AR: variants seen among roughly 807,000 people sequenced by gnomAD.
AR encodes dihydrotestosterone receptor.
AR carries 8 observed loss-of-function variants against 53.9 expected under a neutral mutation model. The observed-to-expected ratio is 0.15, with a 90% CI of 0.09 to 0.27. AR has a LOEUF of 0.27. Among genes scored for constraint, AR ranks in the 10% least tolerant of loss-of-function variants. The pLI is 1.00. For synonymous variants in AR, 359 were observed against 316.4 expected (o/e 1.13, Z -1.43); for missense variants, 639 against 742.5 (o/e 0.86, Z 1.62).
At chrX:67,686,183 T>G (rs1450705157) in intron 3 of AR, 57 bp downstream of exon 3, 1 of 1,106,446 alleles carries the variant, frequency 9.0e-7, no homozygotes, top group East Asian at 3.1e-5. Context: ...CTCCCTCATT[T>G]TCTAGTCTCT....
intron 3 of AR, among the ~76,000 whole-genome samples, chrX:67,686,832 G>A (rs2075969439): frequency 9.0e-6 from 1 of 110,983 alleles, no homozygotes; most frequent in African/African-American, 3.3e-5. Context: ...AAGGCTCTCT[G>A]TCCCACAAAC....
chrX:67,643,507 TAG>T (rs1250018665), intron 2 of AR, 100 bp downstream of exon 2: 2 of 1,078,242 alleles, frequency 1.9e-6, no homozygotes, highest in Admixed American at 5.3e-5. Context: ...ATCTCAGAAA[TAG>T]AGTCATTGGC....
intron 2 of AR, among the ~76,000 whole-genome samples, chrX:67,682,700 A>G (rs896947871): frequency 8.9e-6 from 1 of 111,926 alleles, no homozygotes; most frequent in Non-Finnish European, 1.9e-5. Flanking sequence ...AATAAATAAT[A>G]GGAAAGAAAT....
At chrX:67,663,712 C>G (rs1356474592) in intron 2 of AR, among the ~76,000 whole-genome samples, 1 of 112,310 alleles carries the variant, frequency 8.9e-6, no homozygotes, top group Non-Finnish European at 1.9e-5. Flanking sequence ...TAATATCCTA[C>G]AGAGTGTTTT....
At chrX:67,707,823 T>C (rs1046170280) in intron 3 of AR, among the ~76,000 whole-genome samples, 11 of 111,929 alleles carry the variant, frequency 9.8e-5, no homozygotes, top group Non-Finnish European at 1.9e-4. Context: ...CAGGAGCTCC[T>C]GTAGTGCAGG....
At chrX:67,715,128 G>T (rs1325321758) in intron 4 of AR, among the ~76,000 whole-genome samples, 1 of 111,312 alleles carries the variant, frequency 9.0e-6, no homozygotes, top group African/African-American at 3.3e-5. Flanking sequence ...TCCACCAGAA[G>T]ACCAAGGTTC....
At chrX:67,673,265 C>T (rs769367973) in intron 2 of AR, among the ~76,000 whole-genome samples, 148 of 109,713 alleles carry the variant, frequency 1.3e-3, no homozygotes, top group Middle Eastern at 4.6e-3. Context: ...AAATCTTCTT[C>T]GTGTTCTTGT....
chrX:67,729,427 TAGAA>T lies in AR; in HGVS notation c.*5590_*5593del, dbSNP rs1208605962. ...AAATCTTTTGGAATTTTTTCACCCA[TAGAA>T]AGAGTGGTAGATATTTGAATTTAGC... On this transcript the variant is annotated 3_prime_UTR_variant, in exon 8 of 8. Transcript: ENST00000374690. 11 of 173,569 alleles carry T rather than the reference TAGAA, an allele frequency of 6.3e-5. No homozygotes were observed. The highest frequency in any genetic ancestry group is 3.2e-4 in the African/African-American group (11 of 33,932). 14.3% of individuals were successfully genotyped at this position (173,569 alleles called of 1,213,427 possible). A position where few individuals can be genotyped will look rare whatever the true frequency, so the allele number is the denominator to read the frequency against.
chrX:67,554,834 G>A (rs1412946694), intron 1 of AR, among the ~76,000 whole-genome samples: 3 of 107,595 alleles, frequency 2.8e-5, no homozygotes, highest in African/African-American at 1.0e-4. Context: ...TACTTGTGAG[G>A]CTGAGGCAGG....
intron 1 of AR, among the ~76,000 whole-genome samples, chrX:67,637,341 C>A (rs1175562194): frequency 2.8e-5 from 2 of 72,664 alleles, no homozygotes; most frequent in African/African-American, 1.1e-4. Flanking sequence ...CCCCACCCCA[C>A]AACAGTCCCC....
At chrX:67,689,326 A>G (rs1336542481) in intron 3 of AR, among the ~76,000 whole-genome samples, 2 of 111,033 alleles carry the variant, frequency 1.8e-5, no homozygotes, top group East Asian at 2.8e-4. Context: ...TAGACAGATT[A>G]TTCAGAGAGT....
At chrX:67,671,540 C>T (rs956599939) in intron 2 of AR, among the ~76,000 whole-genome samples, 52 of 112,278 alleles carry the variant, frequency 4.6e-4, no homozygotes, top group Non-Finnish European at 6.4e-4. Flanking sequence ...TTCTCCCATT[C>T]TGTAAGTTGC....
chrX:67,641,091 T>C (rs1344273365), intron 1 of AR, among the ~76,000 whole-genome samples: 1 of 111,566 alleles, frequency 9.0e-6, no homozygotes, highest in African/African-American at 3.3e-5. Context: ...TTGTACCTAA[T>C]CTTAACCTTC....
intron 2 of AR, 39 bp downstream of exon 2, chrX:67,643,446 C>A: frequency 8.5e-7 from 1 of 1,179,819 alleles, no homozygotes; most frequent in Non-Finnish European, 1.1e-6. Flanking sequence ...TTCCCTTTCT[C>A]CTTTACCTTC....
In AR at chrX:67,725,265, A is replaced by G. The variant is rs1022051615; in HGVS notation, c.*1424A>G. The G allele has an allele frequency of 5.8e-6, 1 of 172,874 alleles. No homozygotes were observed. The highest frequency in any genetic ancestry group is 1.1e-5 in the Non-Finnish European group (1 of 90,993). 14.2% of individuals were successfully genotyped at this position (172,874 alleles called of 1,213,427 possible). ...CTATCTGTAGATGCCAGTAGTCACA[A>G]AGATTTCTTACCAACTCTCAGATCG... On this transcript the variant is annotated 3_prime_UTR_variant, in exon 8 of 8. Coordinates refer to ENST00000374690, the MANE Select transcript of AR (RefSeq NM_000044.6).
chrX:67,706,281 C>CT (rs2076066994), intron 3 of AR, among the ~76,000 whole-genome samples: 1 of 111,326 alleles, frequency 9.0e-6, no homozygotes, highest in East Asian at 2.8e-4. Flanking sequence ...TAGTCCTGGA[C>CT]TTTTTTTGGC....
chrX:67,642,843 T>A (rs1164213833), intron 1 of AR, among the ~76,000 whole-genome samples: 1 of 111,877 alleles, frequency 8.9e-6, no homozygotes, highest in Non-Finnish European at 1.9e-5. Context: ...ATCAAATCAC[T>A]TTGATATTTG....
rs2076153655 is a variant in AR, at chrX:67,725,382, A to G, written c.*1541A>G. Reference sequence around the variant, plus strand: ...TGTCCCCCAGAGATGATACCCTCCCAGCAAGTGGAGAAGTTCTCACTTCCT... The same window carrying G: ...TGTCCCCCAGAGATGATACCCTCCCGGCAAGTGGAGAAGTTCTCACTTCCT... On this transcript the variant is annotated 3_prime_UTR_variant, in exon 8 of 8. Coordinates refer to ENST00000374690, the MANE Select transcript of AR (RefSeq NM_000044.6). 5.7e-6 allele frequency: 1 copy of G among 174,277 alleles called. No homozygotes were observed. The highest frequency in any genetic ancestry group is 1.1e-5 in the Non-Finnish European group (1 of 91,483). The allele number at this position is 174,277 out of a possible 1,213,427, so 14.4% of individuals were successfully genotyped here.
intron 2 of AR, among the ~76,000 whole-genome samples, chrX:67,660,862 C>A (rs916334976): frequency 9.0e-6 from 1 of 111,548 alleles, no homozygotes; most frequent in Admixed American, 9.5e-5. Flanking sequence ...AATGTTCTTC[C>A]ATTTGTTTGT....
Sources: gnomAD v4.1 joint callset for allele counts (sites outside exome capture counted in the v4.1 genomes callset) on GRCh38, gnomAD v4.1.1 for gene constraint, MANE v1.5 for transcripts, NCBI Gene and HGNC (gene_info 2026-07-23, HGNC 2026-07-21) for gene names.